SPAG17: variants seen among roughly 807,000 people sequenced by gnomAD.
SPAG17 encodes the protein sperm associated antigen 17.
Under a neutral mutation model 273.6 loss-of-function variants are expected in SPAG17, and 169 were observed. That is an observed-to-expected ratio of 0.62 (90% CI 0.55 to 0.70). The LOEUF is 0.70. Ranked by LOEUF, SPAG17 falls within the 30% of genes least tolerant of loss-of-function variation. The pLI, the probability that SPAG17 is intolerant of heterozygous loss-of-function variation, is 0.00. For missense variants in SPAG17, 2,557 were observed against 2,627.8 expected, an observed-to-expected ratio of 0.97 and a Z score of 0.59; for synonymous variants, 825 against 873.2, an observed-to-expected ratio of 0.94 and a Z score of 0.97.
At chr1:118,155,823 G>T (rs2102360361) in intron 1 of SPAG17, among the ~76,000 whole-genome samples, 1 of 152,330 alleles carries the variant, frequency 6.6e-6, no homozygotes, top group East Asian at 1.9e-4. Flanking sequence ...ACAGGGATTT[G>T]TGAATGTCTT....
intron 28 of SPAG17, among the ~76,000 whole-genome samples, chr1:118,020,920 G>T (rs897473206): frequency 2.0e-5 from 3 of 152,024 alleles, no homozygotes; most frequent in Admixed American, 2.0e-4. Flanking sequence ...AGTTTTATTA[G>T]AACACAGGCT....
At chr1:118,154,668 C>T (rs960053476) in intron 1 of SPAG17, among the ~76,000 whole-genome samples, 1 of 151,948 alleles carries the variant, frequency 6.6e-6, no homozygotes, top group African/African-American at 2.4e-5. Context: ...AAAAACACCC[C>T]TCCACCCATA....
chr1:118,115,482 A>C, intron 3 of SPAG17, 41 bp from the exon 4 acceptor site: 1 of 1,585,700 alleles, frequency 6.3e-7, no homozygotes, highest in South Asian at 1.1e-5. Context: ...GATGTTTTAT[A>C]ACCTTTGGCA....
chr1:118,054,106 A>C lies in SPAG17; in HGVS notation c.2723-13T>G, dbSNP rs776533317. 11 of 1,547,476 alleles carry C rather than the reference A, an allele frequency of 7.1e-6. No individual in the cohort carries two copies. The highest frequency in any genetic ancestry group is 9.8e-6 in the Non-Finnish European group (11 of 1,127,344). On this transcript the variant is annotated splice_polypyrimidine_tract_variant and intron_variant, in intron 19 of 48. Transcript: ENST00000336338. ...ATTCCTTTGTTACCTATAATCAGAT[A>C]AAATTAAACTTCTTAGTAACTCTTA...
chr1:118,180,248 A>G (rs1025702376), intron 1 of SPAG17, among the ~76,000 whole-genome samples: 2 of 152,106 alleles, frequency 1.3e-5, no homozygotes, highest in African/African-American at 4.8e-5. Flanking sequence ...CAGTACATAT[A>G]CACAATGAAA....
intron 23 of SPAG17, among the ~76,000 whole-genome samples, chr1:118,038,029 A>G (rs921088433): frequency 2.5e-4 from 38 of 152,332 alleles, no homozygotes; most frequent in African/African-American, 8.7e-4. Context: ...TATCTGCAAA[A>G]GACATCTGTT....
intron 3 of SPAG17, among the ~76,000 whole-genome samples, chr1:118,139,458 C>A (rs1570762199): frequency 1.3e-5 from 2 of 152,300 alleles, no homozygotes; most frequent in South Asian, 4.2e-4. Flanking sequence ...AATCTCACTT[C>A]TGGGTATTTA....
chr1:118,036,724 C>T, intron 24 of SPAG17, 46 bp downstream of exon 24: 1 of 1,319,620 alleles, frequency 7.6e-7, no homozygotes, highest in East Asian at 2.5e-5. Flanking sequence ...TGGCAGGGAC[C>T]CTTGGCTGTG....
At chr1:118,141,211 C>T (rs1302126095) in intron 3 of SPAG17, among the ~76,000 whole-genome samples, 1 of 152,164 alleles carries the variant, frequency 6.6e-6, no homozygotes, top group Non-Finnish European at 1.5e-5. Flanking sequence ...TTTTGTTCAC[C>T]AAGGTCAATC....
chr1:118,062,700 C>T, intron 18 of SPAG17, among the ~76,000 whole-genome samples: 1 of 151,760 alleles, frequency 6.6e-6, no homozygotes, highest in Non-Finnish European at 1.5e-5. Context: ...TGTTTTTTCC[C>T]ATTAATTAAT....
intron 25 of SPAG17, among the ~76,000 whole-genome samples, chr1:118,030,528 G>A (rs139948228): frequency 6.6e-6 from 1 of 151,924 alleles, no homozygotes; most frequent in Non-Finnish European, 1.5e-5. Context: ...CACCTATCAA[G>A]CCGACATCTA....
At chr1:117,993,429 ATAGCCTTAGTGTGCCATTTGG>A (rs1320713135) in intron 35 of SPAG17, among the ~76,000 whole-genome samples, 1 of 152,178 alleles carries the variant, frequency 6.6e-6, no homozygotes, top group Non-Finnish European at 1.5e-5. Context: ...AAATTTGGAT[ATAGCCTTAGTGTGCCATTTGG>A]TGTGACCTCC....
chr1:117,999,934 T>A (rs991490767), intron 32 of SPAG17, among the ~76,000 whole-genome samples: 1 of 152,230 alleles, frequency 6.6e-6, no homozygotes, highest in Non-Finnish European at 1.5e-5. Context: ...CTAGGTTTTC[T>A]TCTAGGGTTT....
intron 32 of SPAG17, among the ~76,000 whole-genome samples, chr1:118,000,070 T>C (rs1658103401): frequency 6.6e-6 from 1 of 152,224 alleles, no homozygotes; most frequent in Admixed American, 6.5e-5. Flanking sequence ...GCATCATTAT[T>C]AAACAGGGAA....
At chr1:118,153,908 A>G (rs904267598) in intron 1 of SPAG17, among the ~76,000 whole-genome samples, 3 of 152,218 alleles carry the variant, frequency 2.0e-5, no homozygotes, top group Non-Finnish European at 4.4e-5. Context: ...AAAACATCAT[A>G]TAATTACTTT....
At chr1:118,178,342 CAT>C (rs1042972062) in intron 1 of SPAG17, among the ~76,000 whole-genome samples, 5 of 151,964 alleles carry the variant, frequency 3.3e-5, no homozygotes, top group African/African-American at 1.2e-4. Context: ...AAGAACAAAA[CAT>C]ATATGATCAT....
intron 3 of SPAG17, among the ~76,000 whole-genome samples, chr1:118,136,803 G>GTA (rs1558037867): frequency 4.2e-4 from 2 of 4,740 alleles, no homozygotes; most frequent in African/African-American, 1.2e-3. Flanking sequence ...GTGTGTGTAT[G>GTA]TGTGTGTGTG....
intron 23 of SPAG17, 68 bp from the exon 24 acceptor site, chr1:118,036,951 G>T: frequency 1.8e-6 from 2 of 1,128,590 alleles, no homozygotes; most frequent in Non-Finnish European, 2.6e-6. Flanking sequence ...AGACTCAGTG[G>T]GAAGGCTGGG....
At chr1:117,960,325 T>G (rs1652897019) in intron 48 of SPAG17, 1 of 152,184 alleles carries the variant, frequency 6.6e-6, no homozygotes. Context: ...TGATGTATTA[T>G]ATATATTGTA....
Sources: gnomAD v4.1 joint callset for allele counts (sites outside exome capture counted in the v4.1 genomes callset) on GRCh38, gnomAD v4.1.1 for gene constraint, MANE v1.5 for transcripts, NCBI Gene and HGNC (gene_info 2026-07-23, HGNC 2026-07-21) for gene names.